Variants in ABCD3 observed in about 807,000 individuals in gnomAD.
The protein encoded by ABCD3 is ATP-binding cassette sub-family D member 3.
In ABCD3, 41 loss-of-function variants were observed where a neutral mutation model predicts 105.5. That is an observed-to-expected ratio of 0.39 (90% CI 0.30 to 0.50). The LOEUF (loss-of-function observed/expected upper bound fraction) is 0.50, where lower values mean the gene tolerates loss of function less well. ABCD3 is among the 20% of genes least tolerant of loss of function. The pLI is 0.84. For synonymous variants in ABCD3, 258 were observed against 269.0 expected, an observed-to-expected ratio of 0.96 and a Z score of 0.40; for missense variants, 622 against 806.3, an observed-to-expected ratio of 0.77 and a Z score of 2.77.
chr1:94,392,064 T>A, the ABCD3 span, among the ~76,000 whole-genome samples: 2 of 152,212 alleles, frequency 1.3e-5, no homozygotes, highest in African/African-American at 4.8e-5. Flanking sequence ...AGGAAGTCAG[T>A]GTGACTTGGC....
At chr1:94,486,240 A>C (rs886405946) in intron 10 of ABCD3, among the ~76,000 whole-genome samples, 2 of 152,138 alleles carry the variant, frequency 1.3e-5, no homozygotes, top group Non-Finnish European at 2.9e-5. Flanking sequence ...ATATGCAAAT[A>C]CTATGCCATT....
At chr1:94,479,424 C>T (rs1430834056) in intron 8 of ABCD3, among the ~76,000 whole-genome samples, 41 of 151,362 alleles carry the variant, frequency 2.7e-4, no homozygotes, top group Admixed American at 2.7e-3. Flanking sequence ...TTGAATTGAT[C>T]AGATTTACTT....
At chr1:94,447,489 G>T (rs1000299377) in intron 1 of ABCD3, among the ~76,000 whole-genome samples, 1 of 152,172 alleles carries the variant, frequency 6.6e-6, no homozygotes, top group Non-Finnish European at 1.5e-5. Flanking sequence ...TACAATTCCT[G>T]CAGTAAACAA....
chr1:94,472,211 C>G (rs1648489479), intron 4 of ABCD3: 1 of 981,430 alleles, frequency 1.0e-6, no homozygotes, highest in Non-Finnish European at 1.2e-6. Flanking sequence ...TTCAAGAAAC[C>G]ATTTTTTAAA....
the ABCD3 span, among the ~76,000 whole-genome samples, chr1:94,387,911 C>T: frequency 6.6e-6 from 1 of 152,048 alleles, no homozygotes; most frequent in Non-Finnish European, 1.5e-5. Context: ...TTGAAATACC[C>T]AAGGTGCTTT....
the ABCD3 span, among the ~76,000 whole-genome samples, chr1:94,400,963 G>A: frequency 2.6e-5 from 4 of 152,118 alleles, no homozygotes; most frequent in Non-Finnish European, 5.9e-5. Context: ...TGTTAATCAG[G>A]GGAGGGGAAC....
rs773929259 is a variant in ABCD3, at chr1:94,491,176, C to T, written c.1323-8C>T. ...AAGTAATTCTCTTTTTAAAAATTTC[C>T]TCTATAGGTTTGATCATGTTCCTTT... On this transcript the variant is annotated splice_polypyrimidine_tract_variant and splice_region_variant and intron_variant, in intron 15 of 22. Coordinates refer to ENST00000370214, the MANE Select transcript of ABCD3 (RefSeq NM_002858.4). 6.2e-7 allele frequency: 1 copy of T among 1,603,880 alleles called. No individual in the cohort carries two copies. Among genetic ancestry groups the T allele is most frequent in the Non-Finnish European group, 8.5e-7 (1 of 1,171,890 alleles).
chr1:94,455,711 G>A (rs1381214298), intron 1 of ABCD3: 3 of 561,156 alleles, frequency 5.3e-6, no homozygotes, highest in Non-Finnish European at 9.3e-6. Context: ...TTTATAAGAT[G>A]TCATGGTTCC....
intron 8 of ABCD3, among the ~76,000 whole-genome samples, chr1:94,479,840 T>C (rs923902200): frequency 2.0e-5 from 3 of 152,074 alleles, no homozygotes; most frequent in Admixed American, 6.6e-5. Flanking sequence ...ACCTTTCTTT[T>C]TCTCTTGGGA....
the ABCD3 span, chr1:94,406,343 T>TTG: frequency 7.0e-5 from 14 of 199,826 alleles, no homozygotes; most frequent in South Asian, 7.7e-4. Flanking sequence ...TTGTTTTGTT[T>TTG]TTTTTTTTTT....
intron 21 of ABCD3, among the ~76,000 whole-genome samples, chr1:94,507,805 G>C (rs1650441805): frequency 6.8e-6 from 1 of 146,196 alleles, no homozygotes; most frequent in African/African-American, 2.5e-5. Context: ...AGAAGTGTCT[G>C]TTCATGTCCT....
At chr1:94,480,302 C>A in intron 8 of ABCD3, 162 bp from the exon 9 acceptor site, 2 of 740,408 alleles carry the variant, frequency 2.7e-6, no homozygotes. Flanking sequence ...GTAGAGGCTA[C>A]TGTGTACTTT....
intron 1 of ABCD3, among the ~76,000 whole-genome samples, chr1:94,455,978 G>T (rs2100952921): frequency 6.6e-6 from 1 of 152,114 alleles, no homozygotes; most frequent in East Asian, 1.9e-4. Flanking sequence ...ATTGTGAAAT[G>T]ATTACTATTA....
At chr1:94,455,996 A>G (rs1005415399) in intron 1 of ABCD3, among the ~76,000 whole-genome samples, 3 of 152,148 alleles carry the variant, frequency 2.0e-5, no homozygotes, top group African/African-American at 4.8e-5. Context: ...TTATCAAGCT[A>G]TAGTCACCAT....
At chr1:94,413,989 T>A (rs991246369), upstream of ABCD3, among the ~76,000 whole-genome samples, 3 of 152,012 alleles carry the variant, frequency 2.0e-5, no homozygotes, top group African/African-American at 7.3e-5. Context: ...AACGTGAGGA[T>A]GTTAGGGTAG....
intron 1 of ABCD3, chr1:94,432,606 G>A (rs564777633): frequency 1.3e-5 from 2 of 152,254 alleles, no homozygotes; most frequent in East Asian, 1.9e-4. Context: ...AAGTAAAAAT[G>A]GTATCTAATT....
intron 21 of ABCD3, among the ~76,000 whole-genome samples, chr1:94,508,984 T>A (rs1354879334): frequency 6.6e-6 from 1 of 152,216 alleles, no homozygotes; most frequent in African/African-American, 2.4e-5. Flanking sequence ...TATTTCCTTG[T>A]CCTGCCTAAT....
intron 1 of ABCD3, among the ~76,000 whole-genome samples, chr1:94,433,417 G>A (rs926591892): frequency 1.3e-5 from 2 of 151,964 alleles, no homozygotes; most frequent in African/African-American, 4.8e-5. Flanking sequence ...GCCTCCCAAA[G>A]TGCTGGGATT....
rs79673850 is a variant in ABCD3, at chr1:94,467,806, T to A, written c.247-113T>A. 320 of 723,208 alleles carry A rather than the reference T, an allele frequency of 4.4e-4. 4 individuals carry two copies. In the East Asian group the frequency reaches 6.7e-3, roughly 15 times the overall value. The allele number at this position is 723,208 out of a possible 1,614,324, so 44.8% of individuals were successfully genotyped here. On this transcript the variant is annotated intron_variant, in intron 3 of 22. Transcript: ENST00000370214. Reference sequence around the variant, plus strand: ...ATAGAAAAAATGTCAGCCAACTATATTGAAACTTACATAAAGCTTTAGATT... The same window carrying A: ...ATAGAAAAAATGTCAGCCAACTATAATGAAACTTACATAAAGCTTTAGATT...
Sources: allele counts gnomAD v4.1 joint callset (sites outside exome capture counted in the v4.1 genomes callset), GRCh38; gene constraint gnomAD v4.1.1; transcripts MANE v1.5; gene names NCBI Gene and HGNC (gene_info 2026-07-23, HGNC 2026-07-21).